RAB3GAP1: variants seen among roughly 807,000 people sequenced by gnomAD.
RAB3GAP1 encodes the protein RAB3 GTPase activating protein catalytic subunit 1.
A neutral mutation model predicts 130.7 loss-of-function variants in RAB3GAP1; 86 were observed. That is an observed-to-expected ratio of 0.66 (90% CI 0.55 to 0.79). The LOEUF (loss-of-function observed/expected upper bound fraction) is 0.79. Among genes scored for constraint, RAB3GAP1 ranks in the 30% least tolerant of loss-of-function variants. RAB3GAP1 has a pLI of 0.00. For missense variants in RAB3GAP1, 1,029 were observed against 1,169.4 expected, an observed-to-expected ratio of 0.88 and a Z score of 1.75; for synonymous variants, 367 against 401.7, an observed-to-expected ratio of 0.91 and a Z score of 1.03.
chr2:135,153,574 A>G (rs1446457140), intron 18 of RAB3GAP1, 75 bp from the exon 19 acceptor site: 2 of 1,382,028 alleles, frequency 1.4e-6, no homozygotes, highest in Non-Finnish European at 2.1e-6. Context: ...TTTTGAAAAT[A>G]CAATTTTGCA....
intron 19 of RAB3GAP1, chr2:135,162,293 G>T (rs892670583): frequency 4.3e-5 from 18 of 418,844 alleles, no homozygotes; most frequent in Non-Finnish European, 7.4e-5. Flanking sequence ...TCAGTCGGTA[G>T]TTTTTATTTT....
chr2:135,083,646 G>A (rs750375949), intron 3 of RAB3GAP1, among the ~76,000 whole-genome samples: 38 of 149,024 alleles, frequency 2.5e-4, no homozygotes, highest in Non-Finnish European at 4.3e-4. Flanking sequence ...TTTTTTTTTC[G>A]GTTAGGGATG....
In RAB3GAP1 at chr2:135,150,517, C is replaced by T; in HGVS notation, c.2061+11C>T. 1 of 1,613,760 alleles carries T rather than the reference C, an allele frequency of 6.2e-7. No homozygotes were observed. The highest frequency in any genetic ancestry group is 8.5e-7 in the Non-Finnish European group (1 of 1,179,988). ...ATGGAGTCTTTTAAGGTGGGTCACA[C>T]TTGCAGAGCTCTGGGGTCTATTTTG... On this transcript the variant is annotated intron_variant, in intron 18 of 23. Coordinates refer to ENST00000264158, the MANE Select transcript of RAB3GAP1 (RefSeq NM_012233.3).
chr2:135,117,953 C>T (rs1402650717), intron 7 of RAB3GAP1, among the ~76,000 whole-genome samples: 1 of 151,890 alleles, frequency 6.6e-6, no homozygotes, highest in African/African-American at 2.4e-5. Flanking sequence ...CCTGGGGTCA[C>T]TGACTCCTCC....
intron 3 of RAB3GAP1, among the ~76,000 whole-genome samples, chr2:135,082,442 C>CTTT (rs746223510): frequency 7.1e-6 from 1 of 141,626 alleles, no homozygotes. Context: ...AATACACACA[C>CTTT]TTTTTTTTTT....
rs556862565 is a variant in RAB3GAP1, at chr2:135,113,656, C to T, written c.482+386C>T. 4.6e-5 allele frequency among the ~76,000 whole-genome samples: 7 copies of T among 152,320 alleles called. No homozygotes were observed. The East Asian group carries it at 1.2e-3, about 25-fold the overall frequency. On this transcript the variant is annotated intron_variant, in intron 6 of 23. Transcript: ENST00000264158. The stretch of plus-strand genomic sequence containing the variant: ...TTCCATTTTCTGTCTATAAATGCTG[C>T]CTGCCCACCTTACAGAGCTGATCTG...
downstream of RAB3GAP1, among the ~76,000 whole-genome samples, chr2:135,171,200 T>C (rs1692842543): frequency 6.6e-6 from 1 of 151,576 alleles, no homozygotes; most frequent in African/African-American, 2.4e-5. Context: ...GTATCTAGAG[T>C]GGGAAGGGGC....
intron 19 of RAB3GAP1, among the ~76,000 whole-genome samples, chr2:135,157,876 A>G (rs1692359286): frequency 6.6e-6 from 1 of 151,316 alleles, no homozygotes; most frequent in African/African-American, 2.4e-5. Context: ...CCCTATTATT[A>G]TCTAAGCTTG....
intron 23 of RAB3GAP1, 79 bp from the exon 24 acceptor site, chr2:135,168,461 ATTATG>A: frequency 9.2e-7 from 1 of 1,084,952 alleles, no homozygotes; most frequent in Non-Finnish European, 1.4e-6. Flanking sequence ...TCATATCTTT[ATTATG>A]TTAATTCATC....
chr2:135,097,208 C>A (rs1340039043), intron 5 of RAB3GAP1, among the ~76,000 whole-genome samples: 4 of 142,780 alleles, frequency 2.8e-5, no homozygotes, highest in African/African-American at 1.1e-4. Context: ...ATAGGCACGT[C>A]CTTCCCACTT....
In RAB3GAP1 at chr2:135,168,865, G is replaced by A; in HGVS notation, c.*84G>A. The A allele has an allele frequency of 1.6e-6, 2 of 1,241,604 alleles. No individual in the cohort carries two copies. Among genetic ancestry groups the A allele is most frequent in the Non-Finnish European group, 2.4e-6 (2 of 845,678 alleles). The allele number at this position is 1,241,604 out of a possible 1,614,324, so 76.9% of individuals were successfully genotyped here. On this transcript the variant is annotated 3_prime_UTR_variant, in exon 24 of 24. Coordinates refer to ENST00000264158, the MANE Select transcript of RAB3GAP1 (RefSeq NM_012233.3). ...GGAAGGTACCAGGGAGAACCTGGGA[G>A]GTCCTGGAGAGGGCCCTGTCCAGTT...
intron 18 of RAB3GAP1, among the ~76,000 whole-genome samples, chr2:135,151,130 G>C (rs1406343128): frequency 6.6e-6 from 1 of 152,214 alleles, no homozygotes; most frequent in Non-Finnish European, 1.5e-5. Flanking sequence ...TCAGGGAATG[G>C]TGACATTTGG....
intron 3 of RAB3GAP1, among the ~76,000 whole-genome samples, chr2:135,084,730 A>G (rs1358451517): frequency 6.6e-6 from 1 of 152,202 alleles, no homozygotes; most frequent in African/African-American, 2.4e-5. Flanking sequence ...AACACCCTAA[A>G]TACATATTAA....
At chr2:135,141,943 T>C (rs561735433) in intron 17 of RAB3GAP1, among the ~76,000 whole-genome samples, 1 of 152,314 alleles carries the variant, frequency 6.6e-6, no homozygotes, top group South Asian at 2.1e-4. Flanking sequence ...TCATCATTAT[T>C]GTAGCTTTAT....
At chr2:135,124,338 C>A in intron 9 of RAB3GAP1, 92 bp downstream of exon 9, 1 of 1,272,882 alleles carries the variant, frequency 7.9e-7, no homozygotes, top group Non-Finnish European at 1.1e-6. Flanking sequence ...GATGCTATAG[C>A]TTGCTGGGAT....
Position 135,130,092 on chromosome 2 carries a change from C to T in RAB3GAP1, c.1066+5C>T. 2 of 1,604,740 alleles carry T rather than the reference C, an allele frequency of 1.2e-6. No homozygotes were observed. Among genetic ancestry groups the T allele is most frequent in the Non-Finnish European group, 1.7e-6 (2 of 1,172,136 alleles). ...CATTTGAGGAAGAAGGCAAAGGTAACCTACATTTTTTTTTAACATTACTTT... is the reference window on the plus strand; with the variant it reads ...CATTTGAGGAAGAAGGCAAAGGTAATCTACATTTTTTTTTAACATTACTTT... On this transcript the variant is annotated splice_donor_5th_base_variant and intron_variant, in intron 12 of 23. Transcript: ENST00000264158.
In RAB3GAP1 at chr2:135,169,032, G is replaced by A; in HGVS notation, c.*251G>A. The stretch of plus-strand genomic sequence containing the variant: ...AGAGATGGCCTTTGTATATGGGGGG[G>A]TGGTGGGGGGACACAAACACATCAG... On this transcript the variant is annotated 3_prime_UTR_variant, in exon 24 of 24. Coordinates refer to ENST00000264158, the MANE Select transcript of RAB3GAP1 (RefSeq NM_012233.3). 4.0e-6 allele frequency: 2 copies of A among 505,558 alleles called. No homozygotes were observed. The highest frequency in any genetic ancestry group is 7.1e-6 in the Non-Finnish European group (2 of 281,510). The allele number at this position is 505,558 out of a possible 1,614,324, so 31.3% of individuals were successfully genotyped here.
At chr2:135,138,208 CGAGGTG>C (rs985662007) in intron 17 of RAB3GAP1, among the ~76,000 whole-genome samples, 12 of 149,906 alleles carry the variant, frequency 8.0e-5, no homozygotes, top group Non-Finnish European at 1.2e-4. Context: ...TTTGGGAGGC[CGAGGTG>C]GGGTTGGATT....
chr2:135,108,355 T>C (rs957375740), intron 5 of RAB3GAP1, among the ~76,000 whole-genome samples: 3 of 152,156 alleles, frequency 2.0e-5, no homozygotes, highest in Non-Finnish European at 2.9e-5. Flanking sequence ...GTAGGAAATA[T>C]AATGATTTAT....
Sources: allele counts gnomAD v4.1 joint callset (sites outside exome capture counted in the v4.1 genomes callset), GRCh38; gene constraint gnomAD v4.1.1; transcripts MANE v1.5; gene names NCBI Gene and HGNC (gene_info 2026-07-23, HGNC 2026-07-21).